Variants in TMEM179B observed in about 807,000 individuals in gnomAD.
The protein encoded by TMEM179B is transmembrane protein 179B.
TMEM179B carries 13 observed loss-of-function variants against 18.0 expected under a neutral mutation model. The observed-to-expected ratio is 0.72, with a 90% CI of 0.47 to 1.15. TMEM179B has a LOEUF of 1.15. Among genes scored for constraint, TMEM179B ranks in the 50% most tolerant of loss-of-function variants. TMEM179B has a pLI of 0.00. For synonymous variants in TMEM179B, 159 were observed against 117.5 expected (o/e 1.35, Z -2.29); for missense variants, 320 against 270.6 (o/e 1.18, Z -1.28).
Position 62,789,894 on chromosome 11 carries a change from T to C in TMEM179B, c.507T>C (p.Ser169=), listed in dbSNP as rs765472125. ...GTCCCTGTCTCCTACAGACCTCTTC[T>C]TGGGTGAATTTGGTATTGTGGTGTG... is the stretch of plus-strand genomic sequence containing the variant. The part of the protein sequence containing the change: ...YSNLHNAETS[S]WVNLVLWCVV... The change falls in exon 5 of 5, where the codon TCT becomes TCC. Residue 169 remains serine, a synonymous_variant. Transcript: ENST00000333449. 8.1e-6 allele frequency: 13 copies of C among 1,613,480 alleles called. No individual in the cohort carries two copies. The highest frequency in any genetic ancestry group is 1.0e-5 in the Non-Finnish European group (12 of 1,179,684).
chr11:62,789,113 T>G lies in TMEM179B; in HGVS notation c.187T>G (p.Cys63Gly). Residue 63 changes from cysteine to glycine, a missense_variant, in exon 2 of 5, where the codon TGC becomes GGC. By Grantham distance (159) the Cys-to-Gly change is radical. Transcript: ENST00000333449. The stretch of plus-strand genomic sequence containing the variant: ...ATCCCGTCCCTCAGCACCATCCCTG[T>G]GCTACTTTGTAGCTGGGGCCTCTGG... ...ALSRPSAPSL[C>G]YFVAGASGLL... The G allele has an allele frequency of 1.2e-6, 2 of 1,614,240 alleles. No individual in the cohort carries two copies. The highest frequency in any genetic ancestry group is 1.7e-6 in the Non-Finnish European group (2 of 1,180,034).
intron 1 of TMEM179B, among the ~76,000 whole-genome samples, chr11:62,788,289 G>A (rs888568585): frequency 2.6e-5 from 4 of 152,158 alleles, no homozygotes; most frequent in African/African-American, 9.7e-5. Context: ...TGTAATCCCA[G>A]CTACTTCGGA....
intron 1 of TMEM179B, among the ~76,000 whole-genome samples, chr11:62,788,334 C>T (rs1192346721): frequency 3.3e-5 from 5 of 151,942 alleles, no homozygotes; most frequent in South Asian, 2.1e-4. Context: ...ACCTGGGAGG[C>T]GGAGGTTGCA....
rs957965765 is a variant in TMEM179B at position 62,790,300 on chromosome 11, T to C, written c.*253T>C. On this transcript the variant is annotated 3_prime_UTR_variant, in exon 5 of 5. Transcript: ENST00000333449. The stretch of plus-strand genomic sequence containing the variant: ...CTAGATAGGAGGAAGGAGTGAAGGC[T>C]AAGCAGACATGGACTGAAACTTAGA... 2 of 548,672 alleles carry C rather than the reference T, an allele frequency of 3.6e-6. No individual in the cohort carries two copies. The highest frequency in any genetic ancestry group is 6.3e-6 in the Non-Finnish European group (2 of 317,550). 34.0% of individuals were successfully genotyped at this position (548,672 alleles called of 1,614,324 possible). A position where few individuals can be genotyped will look rare whatever the true frequency, so the allele number is the denominator to read the frequency against.
At chr11:62,787,697 T>C in intron 1 of TMEM179B, 170 bp downstream of exon 1, 1 of 825,724 alleles carries the variant, frequency 1.2e-6, no homozygotes, top group Non-Finnish European at 1.9e-6. Flanking sequence ...TCGCGCTTTG[T>C]GGCTCCTCCT....
chr11:62,787,616 G>C, intron 1 of TMEM179B, 89 bp downstream of exon 1: 1 of 1,407,608 alleles, frequency 7.1e-7, no homozygotes, highest in Non-Finnish European at 9.3e-7. Flanking sequence ...CGGGCTTGCT[G>C]CTGCTCGGAG....
intron 2 of TMEM179B, 28 bp from the exon 3 acceptor site, chr11:62,789,261 TCCA>T: frequency 1.2e-6 from 2 of 1,613,938 alleles, no homozygotes; most frequent in South Asian, 1.1e-5. Flanking sequence ...GAGCCTCACC[TCCA>T]CCACAAGGCT....
rs2084341097 is a variant in TMEM179B, at chr11:62,790,078, GACTC to G, written c.*32_*35del. 1 of 1,576,612 alleles carries G rather than the reference GACTC, an allele frequency of 6.3e-7. No individual in the cohort carries two copies. Reference sequence around the variant, plus strand: ...AAGCGGAGTGCTTCCTGCAGCCGAAGACTCCATGCCCAAGTGCCTGTAATCCCCC... The same window carrying G: ...AAGCGGAGTGCTTCCTGCAGCCGAAGCATGCCCAAGTGCCTGTAATCCCCC... On this transcript the variant is annotated 3_prime_UTR_variant, in exon 5 of 5. Transcript: ENST00000333449.
At chr11:62,788,328 G>T (rs1429583902) in intron 1 of TMEM179B, among the ~76,000 whole-genome samples, 1 of 151,494 alleles carries the variant, frequency 6.6e-6, no homozygotes, top group African/African-American at 2.4e-5. Context: ...GCTTGAACCT[G>T]GGAGGCGGAG....
Position 62,790,228 on chromosome 11 carries a change from T to A in TMEM179B, c.*181T>A, listed in dbSNP as rs1192481939. The A allele has an allele frequency of 3.7e-5, 25 of 668,530 alleles. No individual in the cohort carries two copies. In the Middle Eastern group the frequency reaches 1.2e-3, roughly 33 times the overall value. 41.4% of individuals were successfully genotyped at this position (668,530 alleles called of 1,614,324 possible). ...CAGCTGTTTTTGTACCAAAATATTA[T>A]ATTACTGTCTTCATCTTAGTAGTGA... On this transcript the variant is annotated 3_prime_UTR_variant, in exon 5 of 5. Coordinates refer to ENST00000333449, the MANE Select transcript of TMEM179B (RefSeq NM_199337.3).
intron 3 of TMEM179B, 41 bp downstream of exon 3, chr11:62,789,467 C>T (rs1328715112): frequency 1.9e-6 from 3 of 1,612,872 alleles, no homozygotes; most frequent in African/African-American, 1.3e-5. Context: ...GGCTGACTAC[C>T]TTCCCTCTGC....
chr11:62,787,637 T>C, intron 1 of TMEM179B, 110 bp downstream of exon 1: 1 of 1,348,464 alleles, frequency 7.4e-7, no homozygotes, highest in Non-Finnish European at 9.8e-7. Context: ...CCGGTGGACC[T>C]GGTGAGGCAC....
In TMEM179B at chr11:62,787,562, A is replaced by G. The variant is rs770905618; in HGVS notation, c.96+35A>G. Reference sequence around the variant, plus strand: ...CGGGGCGGGGTCAGGTAGGCGGGGGAGCTGGCCGGTCTGGACATGGCGAGG... The same window carrying G: ...CGGGGCGGGGTCAGGTAGGCGGGGGGGCTGGCCGGTCTGGACATGGCGAGG... On this transcript the variant is annotated intron_variant, in intron 1 of 4. Transcript: ENST00000333449. The G allele has an allele frequency of 4.0e-6, 6 of 1,508,724 alleles. No individual in the cohort carries two copies. The South Asian group carries it at 6.3e-5, about 16-fold the overall frequency. 93.5% of individuals were successfully genotyped at this position (1,508,724 alleles called of 1,614,324 possible).
At chr11:62,789,457 G>C in intron 3 of TMEM179B, 31 bp downstream of exon 3, 1 of 1,613,272 alleles carries the variant, frequency 6.2e-7, no homozygotes, top group African/African-American at 1.3e-5. Flanking sequence ...GCCTGGCTGG[G>C]GCTGACTACC....
At position 62,787,444 on chromosome 11, in the gene TMEM179B, T is replaced by C. The variant is rs747484225; in HGVS notation, c.13T>C (p.Trp5Arg). The C allele has an allele frequency of 1.7e-5, 27 of 1,568,866 alleles. No homozygotes were observed. The highest frequency in any genetic ancestry group is 2.1e-5 in the Non-Finnish European group (24 of 1,164,522). ...TGGTCAGGGCGCCATGGCGCTGTCCTGGCTGCAGCGCGTCGAGCTTGCGCT... is the reference window on the plus strand; with the variant it reads ...TGGTCAGGGCGCCATGGCGCTGTCCCGGCTGCAGCGCGTCGAGCTTGCGCT... MALS[W>R]LQRVELALFA... is the part of the protein sequence containing the mutation. Residue 5 changes from tryptophan (W) to arginine (R), a missense_variant, in exon 1 of 5, where the codon TGG becomes CGG. Coordinates refer to ENST00000333449, the MANE Select transcript of TMEM179B (RefSeq NM_199337.3).
intron 1 of TMEM179B, chr11:62,788,010 T>TATA (rs543041558): frequency 3.1e-4 from 143 of 460,058 alleles, no homozygotes; most frequent in African/African-American, 2.8e-3. Flanking sequence ...GCCAATAATT[T>TATA]ACATCGTTTA....
At position 62,790,212 on chromosome 11, in the gene TMEM179B, T is replaced by C; in HGVS notation, c.*165T>C. 2 of 757,426 alleles carry C rather than the reference T, an allele frequency of 2.6e-6. No homozygotes were observed. Among genetic ancestry groups the C allele is most frequent in the Non-Finnish European group, 4.1e-6 (2 of 491,048 alleles). The allele number at this position is 757,426 out of a possible 1,614,324, so 46.9% of individuals were successfully genotyped here. On this transcript the variant is annotated 3_prime_UTR_variant, in exon 5 of 5. Transcript: ENST00000333449. Reference sequence around the variant, plus strand: ...CCTCCACCTCTTCCTGCAGCTGTTTTTGTACCAAAATATTATATTACTGTC... The same window carrying C: ...CCTCCACCTCTTCCTGCAGCTGTTTCTGTACCAAAATATTATATTACTGTC...
At position 62,789,622 on chromosome 11, in the gene TMEM179B, TC is replaced by T; in HGVS notation, c.443del (p.Pro148HisfsTer24). ...TISCSEAQKI[P>X]WTPPGTALQF... is the part of the protein sequence containing the mutation. ...ACAGCTGTTCTGAAGCCCAGAAAATTCCATGGACACCCCCTGGAACTGCTCT... is the reference window on the plus strand; with the variant it reads ...ACAGCTGTTCTGAAGCCCAGAAAATTCATGGACACCCCCTGGAACTGCTCT... On this transcript the variant is annotated frameshift_variant, in exon 4 of 5. Transcript: ENST00000333449. LOFTEE classifies it high-confidence loss of function. 6.5e-7 allele frequency: 1 copy of T among 1,547,960 alleles called. No individual in the cohort carries two copies. Among genetic ancestry groups the T allele is most frequent in the Non-Finnish European group, 8.7e-7 (1 of 1,150,986 alleles).
rs2084344269 is a variant in TMEM179B at position 62,790,250 on chromosome 11, G to T, written c.*203G>T. On this transcript the variant is annotated 3_prime_UTR_variant, in exon 5 of 5. Transcript: ENST00000333449. Reference sequence around the variant, plus strand: ...TTATATTACTGTCTTCATCTTAGTAGTGAGTTTTTGATGTTAAAGTACAAC... The same window carrying T: ...TTATATTACTGTCTTCATCTTAGTATTGAGTTTTTGATGTTAAAGTACAAC... The T allele has an allele frequency of 6.5e-6, 4 of 612,880 alleles. No homozygotes were observed. The highest frequency in any genetic ancestry group is 7.1e-5 in the Admixed American group (2 of 27,984). 38.0% of individuals were successfully genotyped at this position (612,880 alleles called of 1,614,324 possible). A position where few individuals can be genotyped will look rare whatever the true frequency, so the allele number is the denominator to read the frequency against.
Sources: gnomAD v4.1 joint callset for allele counts (sites outside exome capture counted in the v4.1 genomes callset) on GRCh38, gnomAD v4.1.1 for gene constraint, MANE v1.5 for transcripts, NCBI Gene and HGNC (gene_info 2026-07-23, HGNC 2026-07-21) for gene names.